The following NLGN1 variants were observed in gnomAD, a reference collection of about 807,000 sequenced individuals.
NLGN1 encodes the protein neuroligin-1.
NLGN1 carries 12 observed loss-of-function variants against 65.5 expected under a neutral mutation model. That is an observed-to-expected ratio of 0.18 (90% CI 0.12 to 0.30). NLGN1 has a LOEUF of 0.30. Ranked by LOEUF, NLGN1 falls within the 10% of genes least tolerant of loss-of-function variation. NLGN1 has a pLI of 1.00. For missense variants in NLGN1, 750 were observed against 1,007.1 expected, an observed-to-expected ratio of 0.74 and a Z score of 3.46; for synonymous variants, 350 against 359.5, an observed-to-expected ratio of 0.97 and a Z score of 0.30.
intron 2 of NLGN1, among the ~76,000 whole-genome samples, chr3:173,551,141 T>C (rs936463438): frequency 1.3e-5 from 2 of 152,164 alleles, no homozygotes; most frequent in Non-Finnish European, 2.9e-5. Context: ...TAAGTTGGAC[T>C]GGAGTTGTGG....
At chr3:174,079,055 A>C (rs1226898893) in intron 4 of NLGN1, among the ~76,000 whole-genome samples, 1 of 152,084 alleles carries the variant, frequency 6.6e-6, no homozygotes. Context: ...CTCAGATTGC[A>C]ACGTTAGTGC....
intron 3 of NLGN1, among the ~76,000 whole-genome samples, chr3:173,641,546 C>G (rs1757423230): frequency 6.6e-6 from 1 of 152,206 alleles, no homozygotes; most frequent in East Asian, 1.9e-4. Flanking sequence ...CCACCTAAGC[C>G]TCCCAAAGTG....
intron 4 of NLGN1, among the ~76,000 whole-genome samples, chr3:174,131,678 G>A (rs535351691): frequency 2.0e-5 from 3 of 152,246 alleles, no homozygotes; most frequent in Admixed American, 1.3e-4. Context: ...CCTTAGCATT[G>A]AAGGACTCAA....
At chr3:173,503,551 A>G (rs1206715046) in intron 2 of NLGN1, among the ~76,000 whole-genome samples, 2 of 152,076 alleles carry the variant, frequency 1.3e-5, no homozygotes, top group Admixed American at 6.6e-5. Flanking sequence ...TTTGTAGAAG[A>G]TTTTACTTTT....
At chr3:173,761,875 G>A (rs1244260072) in intron 3 of NLGN1, among the ~76,000 whole-genome samples, 3 of 151,974 alleles carry the variant, frequency 2.0e-5, no homozygotes, top group Non-Finnish European at 2.9e-5. Flanking sequence ...TAATAAAATG[G>A]AGCTAAGGAT....
At chr3:174,272,434 G>C (rs1251289380) in intron 4 of NLGN1, among the ~76,000 whole-genome samples, 2 of 151,638 alleles carry the variant, frequency 1.3e-5, no homozygotes, top group Admixed American at 1.3e-4. Flanking sequence ...TCCTCATTTT[G>C]TGCCTTTAAC....
At chr3:173,983,872 A>G (rs570109314) in intron 4 of NLGN1, among the ~76,000 whole-genome samples, 9 of 152,286 alleles carry the variant, frequency 5.9e-5, no homozygotes, top group Non-Finnish European at 1.0e-4. Flanking sequence ...ACTAAAATTG[A>G]AACTCCACTA....
At chr3:174,250,209 G>A (rs375325080) in intron 4 of NLGN1, among the ~76,000 whole-genome samples, 12 of 152,156 alleles carry the variant, frequency 7.9e-5, no homozygotes, top group African/African-American at 2.2e-4. Context: ...TCAATTAAAC[G>A]AAACATGATA....
chr3:173,798,682 T>C (rs1197696403), intron 3 of NLGN1, among the ~76,000 whole-genome samples: 2 of 152,076 alleles, frequency 1.3e-5, no homozygotes, highest in Admixed American at 6.6e-5. Context: ...GGTGTGATTA[T>C]AAAAGTCTAT....
chr3:174,180,045 A>C (rs570382768), intron 4 of NLGN1, among the ~76,000 whole-genome samples: 1 of 152,302 alleles, frequency 6.6e-6, no homozygotes, highest in Non-Finnish European at 1.5e-5. Context: ...CTTTAGTAAA[A>C]TAAAAGAGCT....
rs114949485 is a variant in NLGN1 at position 173,827,172 on chromosome 3, T to A, written c.646+19340T>A. Among the ~76,000 whole-genome samples the A allele has an allele frequency of 3.4e-3, 513 of 152,130 alleles. 4 individuals are homozygous for A. The highest frequency in any genetic ancestry group is 5.6e-3 in the Non-Finnish European group (383 of 67,970). ...AAAAAACAAGTTTCTTCTCTTGTAA[T>A]TAGTTAGACTTTAGAAGACAGGCCA... On this transcript the variant is annotated intron_variant, in intron 4 of 6. Transcript: ENST00000457714.
At chr3:174,047,702 G>A (rs1057020182) in intron 4 of NLGN1, among the ~76,000 whole-genome samples, 16 of 151,592 alleles carry the variant, frequency 1.1e-4, no homozygotes, top group Non-Finnish European at 1.3e-4. Context: ...AAGACATGAT[G>A]TGTTAGAAGT....
intron 4 of NLGN1, among the ~76,000 whole-genome samples, chr3:174,158,273 T>C (rs1223682673): frequency 6.6e-6 from 1 of 151,784 alleles, no homozygotes; most frequent in Non-Finnish European, 1.5e-5. Flanking sequence ...AAAGACTTTG[T>C]AAAGTAATAC....
intron 1 of NLGN1, among the ~76,000 whole-genome samples, chr3:173,403,232 T>C (rs1322437189): frequency 6.6e-6 from 1 of 152,106 alleles, no homozygotes; most frequent in African/African-American, 2.4e-5. Flanking sequence ...TGCGTAAAAT[T>C]ACAAATACTA....
At chr3:173,983,823 T>A (rs1719301598) in intron 4 of NLGN1, among the ~76,000 whole-genome samples, 1 of 152,162 alleles carries the variant, frequency 6.6e-6, no homozygotes, top group Non-Finnish European at 1.5e-5. Flanking sequence ...ATCACATTAA[T>A]ATGTTTTATT....
intron 4 of NLGN1, among the ~76,000 whole-genome samples, chr3:174,157,539 C>T (rs1725677854): frequency 6.6e-6 from 1 of 151,546 alleles, no homozygotes; most frequent in African/African-American, 2.4e-5. Context: ...TAACCCCCCT[C>T]CACCCAAAAA....
At chr3:173,808,479 T>C (rs1031462337) in intron 4 of NLGN1, among the ~76,000 whole-genome samples, 1 of 152,174 alleles carries the variant, frequency 6.6e-6, no homozygotes, top group South Asian at 2.1e-4. Flanking sequence ...ATATTACTTA[T>C]AAAATAACTT....
intron 3 of NLGN1, among the ~76,000 whole-genome samples, chr3:173,677,014 G>T (rs936286281): frequency 1.3e-5 from 2 of 152,084 alleles, no homozygotes; most frequent in Non-Finnish European, 2.9e-5. Flanking sequence ...GATAGAGCAT[G>T]TATAAATTCC....
chr3:173,983,130 C>T (rs1719126496), intron 4 of NLGN1, among the ~76,000 whole-genome samples: 2 of 152,022 alleles, frequency 1.3e-5, no homozygotes, highest in Admixed American at 6.6e-5. Flanking sequence ...GGTAAGTTAT[C>T]ATGTTTCTCA....
Sources: allele counts gnomAD v4.1 joint callset (sites outside exome capture counted in the v4.1 genomes callset), GRCh38; gene constraint gnomAD v4.1.1; transcripts MANE v1.5; gene names NCBI Gene and HGNC (gene_info 2026-07-23, HGNC 2026-07-21).